TAFA2: variants seen among roughly 807,000 people sequenced by gnomAD.
TAFA2 encodes TAFA chemokine like family member 2.
A neutral mutation model predicts 18.8 loss-of-function variants in TAFA2; 7 were observed. The observed-to-expected ratio is 0.37, with a 90% CI of 0.21 to 0.70. The LOEUF is 0.70. Among genes scored for constraint, TAFA2 ranks in the 30% least tolerant of loss-of-function variants. The pLI, the probability that TAFA2 is intolerant of heterozygous loss-of-function variation, is 0.53. For missense variants in TAFA2, 122 were observed against 158.1 expected, an observed-to-expected ratio of 0.77 and a Z score of 1.23; for synonymous variants, 60 against 54.2, an observed-to-expected ratio of 1.11 and a Z score of -0.47.
At chr12:61,965,482 G>A (rs1297958157) in intron 1 of TAFA2, among the ~76,000 whole-genome samples, 1 of 151,904 alleles carries the variant, frequency 6.6e-6, no homozygotes, top group Non-Finnish European at 1.5e-5. Context: ...TCATACTTAA[G>A]AATCTGTGCG....
intron 2 of TAFA2, among the ~76,000 whole-genome samples, chr12:61,803,236 C>G (rs1426216858): frequency 6.6e-6 from 1 of 151,786 alleles, no homozygotes; most frequent in Non-Finnish European, 1.5e-5. Context: ...GCTGTTTCTG[C>G]TTGAAAGCCA....
intron 2 of TAFA2, among the ~76,000 whole-genome samples, chr12:61,795,868 A>C (rs1382161263): frequency 1.3e-5 from 2 of 152,068 alleles, no homozygotes; most frequent in Non-Finnish European, 2.9e-5. Context: ...TAAATAGATA[A>C]GTGGAACAAA....
chr12:62,002,032 T>G (rs766710396), intron 1 of TAFA2, among the ~76,000 whole-genome samples: 1 of 152,140 alleles, frequency 6.6e-6, no homozygotes, highest in Non-Finnish European at 1.5e-5. Context: ...AACCATCCTA[T>G]GCCTCTCTCT....
At chr12:61,801,813 T>G (rs918966310) in intron 2 of TAFA2, among the ~76,000 whole-genome samples, 5 of 152,034 alleles carry the variant, frequency 3.3e-5, no homozygotes, top group Non-Finnish European at 5.9e-5. Context: ...ATCAATAGAA[T>G]GATGAGATAA....
At chr12:61,906,244 TG>T (rs1876344905) in intron 1 of TAFA2, among the ~76,000 whole-genome samples, 1 of 152,176 alleles carries the variant, frequency 6.6e-6, no homozygotes, top group Non-Finnish European at 1.5e-5. Flanking sequence ...CATGTTGAAT[TG>T]TAGTTCCCAT....
chr12:62,077,866 T>C (rs1156342559), intron 1 of TAFA2, among the ~76,000 whole-genome samples: 4 of 152,220 alleles, frequency 2.6e-5, no homozygotes. Flanking sequence ...GCCTTATTTT[T>C]ATACTACTTC....
At chr12:61,932,937 C>T (rs957054089) in intron 1 of TAFA2, among the ~76,000 whole-genome samples, 1 of 152,126 alleles carries the variant, frequency 6.6e-6, no homozygotes, top group South Asian at 2.1e-4. Context: ...CTGTTAGATC[C>T]TAGCAGGCTT....
At chr12:62,098,507 AAAAC>A (rs146395814) in intron 1 of TAFA2, among the ~76,000 whole-genome samples, 28,072 of 151,956 alleles carry the variant, frequency 0.18, 2,809 homozygotes, top group East Asian at 0.39. Flanking sequence ...ATTTAGGTTA[AAAAC>A]AAACAAACAA....
chr12:62,064,078 A>G (rs567057362), intron 1 of TAFA2, among the ~76,000 whole-genome samples: 2 of 152,216 alleles, frequency 1.3e-5, no homozygotes, highest in South Asian at 2.1e-4. Context: ...TGATCATTTT[A>G]GAGATGAGAA....
chr12:61,906,271 T>C (rs1381793256), intron 1 of TAFA2, among the ~76,000 whole-genome samples: 1 of 152,194 alleles, frequency 6.6e-6, no homozygotes, highest in African/African-American at 2.4e-5. Flanking sequence ...GCAAATGTCA[T>C]GGGAGGGACC....
At chr12:61,737,337 C>T (rs1423343620) in intron 4 of TAFA2, among the ~76,000 whole-genome samples, 1 of 151,628 alleles carries the variant, frequency 6.6e-6, no homozygotes, top group Non-Finnish European at 1.5e-5. Flanking sequence ...TTTTCAATTT[C>T]TCCTAACTTT....
chr12:62,128,727 T>C (rs1027528026), intron 1 of TAFA2, among the ~76,000 whole-genome samples: 1 of 152,032 alleles, frequency 6.6e-6, no homozygotes, highest in African/African-American at 2.4e-5. Context: ...AGGTGTTTAA[T>C]ATGTGCTTAG....
At chr12:62,136,857 C>T (rs1870916355) in intron 1 of TAFA2, among the ~76,000 whole-genome samples, 1 of 152,044 alleles carries the variant, frequency 6.6e-6, no homozygotes, top group African/African-American at 2.4e-5. Context: ...GACATGCACC[C>T]CTTTGAAAAA....
chr12:61,840,251 T>A (rs933031265), intron 2 of TAFA2, among the ~76,000 whole-genome samples: 5 of 152,006 alleles, frequency 3.3e-5, no homozygotes, highest in African/African-American at 1.2e-4. Flanking sequence ...TTAATATGCT[T>A]CAAGTCTATT....
chr12:61,980,627 AT>A (rs1404394047), intron 1 of TAFA2, among the ~76,000 whole-genome samples: 3 of 152,228 alleles, frequency 2.0e-5, no homozygotes, highest in Non-Finnish European at 4.4e-5. Flanking sequence ...TACAAAATCA[AT>A]GTGCAAAAAT....
At chr12:62,221,106 A>AAAAAAC (rs1196512700) in intron 1 of TAFA2, among the ~76,000 whole-genome samples, 6 of 151,126 alleles carry the variant, frequency 4.0e-5, no homozygotes, top group Admixed American at 1.3e-4. Context: ...TCCGTCTAAA[A>AAAAAAC]AAAAACAAAA....
chr12:61,956,098 T>C (rs546636066), intron 1 of TAFA2, among the ~76,000 whole-genome samples: 1 of 152,286 alleles, frequency 6.6e-6, no homozygotes, highest in East Asian at 1.9e-4. Context: ...GCTAGATTTT[T>C]TTCAAACACT....
chr12:61,793,223 TA>T (rs1179628765), intron 2 of TAFA2, among the ~76,000 whole-genome samples: 1 of 151,310 alleles, frequency 6.6e-6, no homozygotes, highest in Non-Finnish European at 1.5e-5. Context: ...AAATTATACC[TA>T]AAGTAAGGAC....
At chr12:62,148,770 T>C (rs1403094569) in intron 1 of TAFA2, among the ~76,000 whole-genome samples, 2 of 152,082 alleles carry the variant, frequency 1.3e-5, no homozygotes, top group Non-Finnish European at 2.9e-5. Flanking sequence ...TAATCTTGAG[T>C]AACCTTAAAG....
Sources: allele counts gnomAD v4.1 joint callset (sites outside exome capture counted in the v4.1 genomes callset), GRCh38; gene constraint gnomAD v4.1.1; transcripts MANE v1.5; gene names NCBI Gene and HGNC (gene_info 2026-07-23, HGNC 2026-07-21).